ZEB1: variants seen among roughly 807,000 people sequenced by gnomAD.
The protein encoded by ZEB1 is zinc finger E-box binding homeobox 1.
In ZEB1, 21 loss-of-function variants were observed where a neutral mutation model predicts 84.9. The observed-to-expected ratio is 0.25, with a 90% CI of 0.18 to 0.36. The LOEUF (loss-of-function observed/expected upper bound fraction) is 0.36, where lower values mean the gene tolerates loss of function less well. ZEB1 is among the 10% of genes least tolerant of loss of function. ZEB1 has a pLI of 1.00. For missense variants in ZEB1, 1,104 were observed against 1,330.2 expected, an observed-to-expected ratio of 0.83 and a Z score of 2.65; for synonymous variants, 420 against 471.1, an observed-to-expected ratio of 0.89 and a Z score of 1.41.
At chr10:31,412,461 C>G (rs2054482955) in intron 1 of ZEB1, among the ~76,000 whole-genome samples, 1 of 152,082 alleles carries the variant, frequency 6.6e-6, no homozygotes, top group African/African-American at 2.4e-5. Context: ...TTCCTGTGTC[C>G]AAGTGTTCTC....
chr10:31,463,878 A>G (rs1290117420), intron 2 of ZEB1, among the ~76,000 whole-genome samples: 1 of 152,220 alleles, frequency 6.6e-6, no homozygotes, highest in Non-Finnish European at 1.5e-5. Flanking sequence ...TTTAGCAAGA[A>G]GGTAGAAACA....
Position 31,390,498 on chromosome 10 carries a change from G to A in ZEB1, c.59-70539G>A, listed in dbSNP as rs533557373. ...TATTACATTAAGATATAAGGTTTAC[G>A]AAATTTTACAATTTTTGAATGATTA... On this transcript the variant is annotated intron_variant, in intron 1 of 8. Transcript: ENST00000424869. 9.7e-4 allele frequency among the ~76,000 whole-genome samples: 147 copies of A among 152,224 alleles called. 2 individuals carry two copies. The highest frequency in any genetic ancestry group is 3.4e-3 in the African/African-American group (141 of 41,536).
intron 2 of ZEB1, among the ~76,000 whole-genome samples, chr10:31,473,275 G>T (rs1019939554): frequency 6.7e-5 from 10 of 149,074 alleles, no homozygotes; most frequent in Non-Finnish European, 1.5e-5. Context: ...AATTGTCCCT[G>T]TTTGCAGACG....
At chr10:31,326,857 G>C (rs2035604494) in intron 1 of ZEB1, among the ~76,000 whole-genome samples, 1 of 152,106 alleles carries the variant, frequency 6.6e-6, no homozygotes, top group Non-Finnish European at 1.5e-5. Flanking sequence ...TTCAGATGCA[G>C]AGCATTAGTA....
chr10:31,353,078 A>G (rs934367030), intron 1 of ZEB1, among the ~76,000 whole-genome samples: 1 of 152,216 alleles, frequency 6.6e-6, no homozygotes, highest in Admixed American at 6.5e-5. Flanking sequence ...CACTAGGGTC[A>G]CTTAAGAGCT....
intron 1 of ZEB1, among the ~76,000 whole-genome samples, chr10:31,373,900 A>G (rs1410838178): frequency 1.3e-5 from 2 of 151,760 alleles, no homozygotes; most frequent in Non-Finnish European, 3.0e-5. Flanking sequence ...CATATACTTC[A>G]GATGACCTTA....
At chr10:31,392,998 C>T (rs1047447224) in intron 1 of ZEB1, among the ~76,000 whole-genome samples, 10 of 151,974 alleles carry the variant, frequency 6.6e-5, no homozygotes, top group African/African-American at 2.2e-4. Context: ...AGATGCTGAG[C>T]TAATTTTTCT....
intron 1 of ZEB1, among the ~76,000 whole-genome samples, chr10:31,445,680 G>T (rs1591357506): frequency 6.8e-6 from 1 of 146,054 alleles, no homozygotes; most frequent in Admixed American, 6.9e-5. Flanking sequence ...TAATCATGTG[G>T]TTTTTGTCTT....
chr10:31,365,247 A>G (rs866162910), intron 1 of ZEB1, among the ~76,000 whole-genome samples: 1 of 152,204 alleles, frequency 6.6e-6, no homozygotes, highest in Admixed American at 6.5e-5. Context: ...GACAAACATA[A>G]TTTGGTCATT....
At chr10:31,385,792 C>T (rs1299591709) in intron 1 of ZEB1, among the ~76,000 whole-genome samples, 2 of 152,118 alleles carry the variant, frequency 1.3e-5, no homozygotes, top group African/African-American at 4.8e-5. Context: ...TCTCAAAGTG[C>T]TGGAATTACA....
rs187147077 is a variant in ZEB1, at chr10:31,509,348, G to T, written c.485-1325G>T. 1.3e-3 allele frequency among the ~76,000 whole-genome samples: 195 copies of T among 152,242 alleles called. 1 individual carries two copies. The highest frequency in any genetic ancestry group is 4.1e-3 in the African/African-American group (171 of 41,552). ...ATGGTGGGAATGTGGACCCCTGGGG[G>T]TCTCTCACTTACTCTTTCCCTGCAT... On this transcript the variant is annotated intron_variant, in intron 4 of 8. Transcript: ENST00000424869.
chr10:31,443,616 T>C (rs1378817173), intron 1 of ZEB1, among the ~76,000 whole-genome samples: 1 of 137,274 alleles, frequency 7.3e-6, no homozygotes. Flanking sequence ...CCTGTGTCCA[T>C]GTGCTCTCAT....
intron 2 of ZEB1, among the ~76,000 whole-genome samples, chr10:31,463,946 C>T (rs1031692943): frequency 6.6e-6 from 1 of 152,140 alleles, no homozygotes; most frequent in African/African-American, 2.4e-5. Context: ...AGGCTAATTA[C>T]TAGAGTTACG....
chr10:31,497,520 A>G (rs1333876872), intron 3 of ZEB1, among the ~76,000 whole-genome samples: 1 of 152,160 alleles, frequency 6.6e-6, no homozygotes, highest in African/African-American at 2.4e-5. Context: ...GGAGTAAGCA[A>G]ACTTCCATTA....
chr10:31,493,979 T>C (rs985889792), intron 2 of ZEB1, among the ~76,000 whole-genome samples: 3 of 152,016 alleles, frequency 2.0e-5, no homozygotes, highest in Non-Finnish European at 4.4e-5. Flanking sequence ...GTAGAAAAAT[T>C]AGCAGTGTCC....
intron 1 of ZEB1, among the ~76,000 whole-genome samples, chr10:31,445,537 A>G (rs1365238949): frequency 6.6e-6 from 1 of 151,818 alleles, no homozygotes; most frequent in Non-Finnish European, 1.5e-5. Flanking sequence ...ATTCAGTATG[A>G]TATTGGCTGT....
At position 31,445,693 on chromosome 10, in the gene ZEB1, G is replaced by A. The variant is rs1165485486; in HGVS notation, c.59-15344G>A. 1.7e-4 allele frequency among the ~76,000 whole-genome samples: 24 copies of A among 142,322 alleles called. 1 individual carries two copies. The highest frequency in any genetic ancestry group is 1.2e-3 in the Admixed American group (17 of 14,104). The allele number at this position is 142,322 out of a possible 152,430, so 93.4% of individuals were successfully genotyped here. On this transcript the variant is annotated intron_variant, in intron 1 of 8. Coordinates refer to ENST00000424869, the MANE Select transcript of ZEB1 (RefSeq NM_001174096.2). ...GATAATCATGTGGTTTTTGTCTTTG[G>A]CTCTGTTTATATGCTGGATTACATT...
chr10:31,370,966 A>G (rs1048113580), intron 1 of ZEB1, among the ~76,000 whole-genome samples: 5 of 152,128 alleles, frequency 3.3e-5, no homozygotes, highest in African/African-American at 4.8e-5. Flanking sequence ...AGTCTTCCCC[A>G]CCTTGACCTC....
At chr10:31,465,632 A>G (rs1237502305) in intron 2 of ZEB1, among the ~76,000 whole-genome samples, 1 of 152,154 alleles carries the variant, frequency 6.6e-6, no homozygotes, top group African/African-American at 2.4e-5. Flanking sequence ...TTTTTAATAC[A>G]GAGATAGGGC....
Sources: gnomAD v4.1 joint callset for allele counts (sites outside exome capture counted in the v4.1 genomes callset) on GRCh38, gnomAD v4.1.1 for gene constraint, MANE v1.5 for transcripts, NCBI Gene and HGNC (gene_info 2026-07-23, HGNC 2026-07-21) for gene names.